The following TACC2 variants were observed in gnomAD, a reference collection of about 807,000 sequenced individuals.
TACC2 encodes the protein transforming acidic coiled-coil-containing protein 2.
In TACC2, 137 loss-of-function variants were observed where a neutral mutation model predicts 227.3. The ratio of observed to expected loss-of-function variants is 0.60; its 90% CI spans 0.52 to 0.69. The LOEUF is 0.69. Ranked by LOEUF, TACC2 falls within the 30% of genes least tolerant of loss-of-function variation. TACC2 has a pLI of 0.00. For synonymous variants in TACC2, 1,523 were observed against 1,487.5 expected (o/e 1.02, Z -0.55); for missense variants, 3,470 against 3,694.4 (o/e 0.94, Z 1.57).
chr10:122,010,876 G>A (rs1591006393), intron 1 of TACC2, among the ~76,000 whole-genome samples: 2 of 152,230 alleles, frequency 1.3e-5, no homozygotes, highest in Admixed American at 6.5e-5. Flanking sequence ...TGATCCTGTG[G>A]GTTGGCAACT....
intron 7 of TACC2, among the ~76,000 whole-genome samples, chr10:122,160,528 AGT>A (rs200468950): frequency 6.9e-6 from 1 of 143,952 alleles, no homozygotes; most frequent in Non-Finnish European, 1.6e-5. Flanking sequence ...GCAGAGAAGA[AGT>A]GTGTGTGTGG....
intron 1 of TACC2, among the ~76,000 whole-genome samples, chr10:122,014,864 A>G (rs1320316736): frequency 2.6e-5 from 4 of 152,188 alleles, no homozygotes; most frequent in Non-Finnish European, 5.9e-5. Flanking sequence ...GAGGGATCAC[A>G]TGAGATGGTA....
At chr10:122,000,694 C>T (rs1954193774) in intron 1 of TACC2, among the ~76,000 whole-genome samples, 1 of 152,162 alleles carries the variant, frequency 6.6e-6, no homozygotes, top group African/African-American at 2.4e-5. Context: ...TTACTGGTTT[C>T]TACAATTGTC....
intron 1 of TACC2, among the ~76,000 whole-genome samples, chr10:122,014,764 T>G (rs2135404757): frequency 6.6e-6 from 1 of 152,316 alleles, no homozygotes; most frequent in Non-Finnish European, 1.5e-5. Context: ...GCCATGGTTC[T>G]GCCTACCCAT....
At chr10:122,213,530 G>A (rs2095340467) in intron 9 of TACC2, among the ~76,000 whole-genome samples, 1 of 152,188 alleles carries the variant, frequency 6.6e-6, no homozygotes, top group Non-Finnish European at 1.5e-5. Flanking sequence ...GGGCTCCCCA[G>A]TAGCAAAGAT....
intron 5 of TACC2, among the ~76,000 whole-genome samples, chr10:122,127,324 G>T (rs751239696): frequency 6.6e-6 from 1 of 152,174 alleles, no homozygotes; most frequent in Non-Finnish European, 1.5e-5. Context: ...CCCAGTGCCC[G>T]CCTTGGGGCT....
At chr10:122,091,344 G>A (rs1185350865) in intron 5 of TACC2, among the ~76,000 whole-genome samples, 2 of 152,038 alleles carry the variant, frequency 1.3e-5, no homozygotes, top group Admixed American at 1.3e-4. Flanking sequence ...GGGTTAAAAT[G>A]TATTACTAAA....
chr10:122,242,341 G>A (rs2096014690), intron 19 of TACC2, among the ~76,000 whole-genome samples: 1 of 152,148 alleles, frequency 6.6e-6, no homozygotes. Flanking sequence ...TTCGCTTGTG[G>A]GAGATAATAG....
rs200923889 is a variant in TACC2, at chr10:122,073,142, TATATATATATAC to T, written c.147-9503_147-9492del. On this transcript the variant is annotated intron_variant, in intron 3 of 22. Transcript: ENST00000369005. ...AAAAAAAAAAATATATATATATATA[TATATATATATAC>T]ACACACACACACGCATACATGAGAT... Among the ~76,000 whole-genome samples, 566 of 107,092 alleles carry T rather than the reference TATATATATATAC, an allele frequency of 5.3e-3. 30 individuals carry two copies. The highest frequency in any genetic ancestry group is 0.013 in the African/African-American group (362 of 28,774). 70.3% of individuals were successfully genotyped at this position (107,092 alleles called of 152,430 possible).
intron 8 of TACC2, among the ~76,000 whole-genome samples, chr10:122,203,432 C>T (rs1386840606): frequency 6.6e-6 from 1 of 151,084 alleles, no homozygotes; most frequent in Non-Finnish European, 1.5e-5. Flanking sequence ...CCCCCACCTC[C>T]CTCCCGGACG....
intron 1 of TACC2, among the ~76,000 whole-genome samples, chr10:122,019,424 G>A (rs1170389528): frequency 1.3e-5 from 2 of 152,220 alleles, no homozygotes; most frequent in African/African-American, 2.4e-5. Flanking sequence ...TTTTTAGAAA[G>A]AAAGGTTTGT....
intron 1 of TACC2, among the ~76,000 whole-genome samples, chr10:122,018,672 C>T (rs1365194077): frequency 1.3e-5 from 2 of 152,284 alleles, no homozygotes; most frequent in East Asian, 1.9e-4. Flanking sequence ...TCTTTCACTT[C>T]GGGTGAGGCT....
intron 7 of TACC2, among the ~76,000 whole-genome samples, chr10:122,170,258 C>CAAG (rs2093401958): frequency 7.6e-6 from 1 of 131,658 alleles, no homozygotes; most frequent in Non-Finnish European, 1.6e-5. Context: ...ACCTGATGAT[C>CAAG]AAGTCTTTTT....
intron 7 of TACC2, among the ~76,000 whole-genome samples, chr10:122,187,165 GGAGT>G (rs1238094122): frequency 6.6e-6 from 1 of 152,180 alleles, no homozygotes; most frequent in Non-Finnish European, 1.5e-5. Context: ...TGGGGAGTGA[GGAGT>G]GAGTTTCAGC....
chr10:122,156,104 T>C (rs987282512), intron 7 of TACC2, among the ~76,000 whole-genome samples: 1 of 151,770 alleles, frequency 6.6e-6, no homozygotes, highest in South Asian at 2.1e-4. Flanking sequence ...CCCAAAGTCC[T>C]GGGATTACAG....
intron 1 of TACC2, among the ~76,000 whole-genome samples, chr10:121,995,811 T>C (rs1215870356): frequency 2.5e-4 from 38 of 152,156 alleles, no homozygotes; most frequent in Non-Finnish European, 1.5e-5. Context: ...TGGAGTGCAG[T>C]GGCGCAATCT....
intron 1 of TACC2, among the ~76,000 whole-genome samples, chr10:122,008,264 A>ATTATTTTAT: frequency 9.7e-5 from 13 of 134,660 alleles, no homozygotes; most frequent in Admixed American, 3.0e-4. Context: ...TATTATTATT[A>ATTATTTTAT]TTTTTTTTTT....
At chr10:122,017,818 C>CAAAAAAAAAAAAAAAAAAAAAA (rs5788525) in intron 1 of TACC2, among the ~76,000 whole-genome samples, 1 of 74,964 alleles carries the variant, frequency 1.3e-5, no homozygotes, top group Admixed American at 1.8e-4. Flanking sequence ...GAAACTGTCT[C>CAAAAAAAAAAAAAAAAAAAAAA]AAAAAAAAAA....
At chr10:122,080,627 C>G (rs1421783016) in intron 3 of TACC2, among the ~76,000 whole-genome samples, 3 of 152,144 alleles carry the variant, frequency 2.0e-5, no homozygotes. Flanking sequence ...AAGTGCCTGC[C>G]TCCAAATACA....
Sources: gnomAD v4.1 joint callset for allele counts (sites outside exome capture counted in the v4.1 genomes callset) on GRCh38, gnomAD v4.1.1 for gene constraint, MANE v1.5 for transcripts, NCBI Gene and HGNC (gene_info 2026-07-23, HGNC 2026-07-21) for gene names.